ITGB6: variants seen among roughly 807,000 people sequenced by gnomAD.
The protein encoded by ITGB6 is integrin beta-6.
A neutral mutation model predicts 84.5 loss-of-function variants in ITGB6; 80 were observed. The observed-to-expected ratio is 0.95, with a 90% CI of 0.79 to 1.14. The LOEUF (loss-of-function observed/expected upper bound fraction) is 1.14. ITGB6 is among the 50% of genes most tolerant of loss of function. ITGB6 has a pLI of 0.00. For synonymous variants in ITGB6, 383 were observed against 354.9 expected, an observed-to-expected ratio of 1.08 and a Z score of -0.89; for missense variants, 1,006 against 968.0, an observed-to-expected ratio of 1.04 and a Z score of -0.52.
intron 12 of ITGB6, among the ~76,000 whole-genome samples, chr2:160,117,241 C>T (rs1321294108): frequency 1.3e-5 from 2 of 152,224 alleles, no homozygotes; most frequent in East Asian, 3.9e-4. Context: ...ACACCTATTC[C>T]AAAAGTAACC....
intron 7 of ITGB6, among the ~76,000 whole-genome samples, chr2:160,161,341 ACGATTAAGG>A (rs1201788442): frequency 6.6e-6 from 1 of 152,210 alleles, no homozygotes; most frequent in African/African-American, 2.4e-5. Flanking sequence ...ACTTAATTGT[ACGATTAAGG>A]CATGACGTCG....
intron 8 of ITGB6, among the ~76,000 whole-genome samples, chr2:160,141,208 T>C (rs1452089329): frequency 6.6e-6 from 1 of 152,102 alleles, no homozygotes; most frequent in African/African-American, 2.4e-5. Flanking sequence ...CCTATCCTAA[T>C]TTAGGGCTTC....
At chr2:160,168,253 A>T (rs1240644285) in intron 7 of ITGB6, among the ~76,000 whole-genome samples, 1 of 152,184 alleles carries the variant, frequency 6.6e-6, no homozygotes, top group African/African-American at 2.4e-5. Flanking sequence ...ATGCAAGTTC[A>T]TGGGGCTGTA....
At chr2:160,119,341 G>A (rs1180640536) in intron 12 of ITGB6, among the ~76,000 whole-genome samples, 1 of 152,128 alleles carries the variant, frequency 6.6e-6, no homozygotes, top group African/African-American at 2.4e-5. Flanking sequence ...GGATAGAACA[G>A]AGCCCTCAGA....
intron 10 of ITGB6, among the ~76,000 whole-genome samples, chr2:160,128,957 G>A (rs1683345433): frequency 6.6e-6 from 1 of 152,130 alleles, no homozygotes; most frequent in Non-Finnish European, 1.5e-5. Flanking sequence ...ATCCATTAGG[G>A]AAAGGTGGTA....
At chr2:160,134,318 A>C (rs1442653713) in intron 10 of ITGB6, among the ~76,000 whole-genome samples, 3 of 152,196 alleles carry the variant, frequency 2.0e-5, no homozygotes, top group Non-Finnish European at 2.9e-5. Flanking sequence ...AAATGGATAA[A>C]TTCCTCGACA....
At chr2:160,175,866 G>T (rs1685398073) in intron 4 of ITGB6, among the ~76,000 whole-genome samples, 1 of 152,204 alleles carries the variant, frequency 6.6e-6, no homozygotes, top group South Asian at 2.1e-4. Context: ...TGGGAGCAAT[G>T]ATTCAATATT....
chr2:160,125,041 C>G (rs1028756487), intron 11 of ITGB6, among the ~76,000 whole-genome samples: 1 of 152,094 alleles, frequency 6.6e-6, no homozygotes, highest in African/African-American at 2.4e-5. Flanking sequence ...TAGCCTTATC[C>G]CCTGCTGTAG....
intron 7 of ITGB6, among the ~76,000 whole-genome samples, chr2:160,149,835 T>C (rs1048486733): frequency 9.2e-5 from 14 of 152,028 alleles, no homozygotes; most frequent in Admixed American, 3.9e-4. Context: ...GCAGGTTCAA[T>C]CAAGTGGAAG....
In ITGB6 at chr2:160,195,470, A is replaced by C; in HGVS notation, c.492T>G (p.Ser164=). Residue 164 remains serine, a synonymous_variant, in exon 4 of 15, where the codon TCT becomes TCG. Coordinates refer to ENST00000283249, the MANE Select transcript of ITGB6 (RefSeq NM_000888.5). ...ELGSRLSKEM[S]KLTSNFRLGF... is the part of the protein sequence containing the mutation. ...CCAGTCTAAAGTTGCTGGTTAATTT[A>C]GACATCTCTTTGGAAAGCCGGGAGC... 1 of 1,614,192 alleles carries C rather than the reference A, an allele frequency of 6.2e-7. No homozygotes were observed. The highest frequency in any genetic ancestry group is 1.1e-5 in the South Asian group (1 of 91,086).
chr2:160,126,811 C>T (rs1683263652), intron 10 of ITGB6, among the ~76,000 whole-genome samples: 1 of 152,164 alleles, frequency 6.6e-6, no homozygotes, highest in Non-Finnish European at 1.5e-5. Flanking sequence ...TAGATCTGGT[C>T]TCCTAACTGA....
intron 4 of ITGB6, among the ~76,000 whole-genome samples, chr2:160,174,366 G>T (rs140023786): frequency 4.3e-4 from 65 of 152,250 alleles, no homozygotes. Flanking sequence ...TGTGTGTCTT[G>T]CACTGGCTCA....
chr2:160,165,673 C>T (rs535936731), intron 7 of ITGB6, among the ~76,000 whole-genome samples: 12 of 152,298 alleles, frequency 7.9e-5, no homozygotes, highest in African/African-American at 2.9e-4. Flanking sequence ...ATAGCATATG[C>T]GGCTGCTGTT....
chr2:160,199,013 A>AT (rs1686449346), intron 2 of ITGB6, among the ~76,000 whole-genome samples, 166 bp downstream of exon 2: 1 of 152,238 alleles, frequency 6.6e-6, no homozygotes, highest in Admixed American at 6.5e-5. Flanking sequence ...AAGTAATCAC[A>AT]TGAATGCCAT....
At chr2:160,137,202 G>A (rs917835580) in intron 10 of ITGB6, among the ~76,000 whole-genome samples, 7 of 152,224 alleles carry the variant, frequency 4.6e-5, no homozygotes, top group Non-Finnish European at 7.4e-5. Context: ...TTTCATCTAC[G>A]CTTAGGGAAA....
At chr2:160,146,617 TG>T (rs917799633) in intron 7 of ITGB6, among the ~76,000 whole-genome samples, 50 of 152,354 alleles carry the variant, frequency 3.3e-4, no homozygotes, top group African/African-American at 1.2e-3. Context: ...AAGTATTTTT[TG>T]TCATTACTTT....
intron 10 of ITGB6, among the ~76,000 whole-genome samples, chr2:160,134,730 G>A (rs1683632003): frequency 6.6e-6 from 1 of 152,148 alleles, no homozygotes; most frequent in Non-Finnish European, 1.5e-5. Context: ...CTTCATCCCT[G>A]GGATGCAAGG....
At chr2:160,122,471 G>A (rs1219644939) in intron 12 of ITGB6, among the ~76,000 whole-genome samples, 4 of 152,084 alleles carry the variant, frequency 2.6e-5, no homozygotes, top group South Asian at 2.1e-4. Context: ...ATTTTTACGC[G>A]TTTCTCAGAA....
chr2:160,144,143 C>T (rs533942994), intron 7 of ITGB6, among the ~76,000 whole-genome samples: 21 of 152,222 alleles, frequency 1.4e-4, no homozygotes, highest in African/African-American at 4.3e-4. Flanking sequence ...GCTGAAGCAA[C>T]ACTCTCACCT....
Sources: allele counts gnomAD v4.1 joint callset (sites outside exome capture counted in the v4.1 genomes callset), GRCh38; gene constraint gnomAD v4.1.1; transcripts MANE v1.5; gene names NCBI Gene and HGNC (gene_info 2026-07-23, HGNC 2026-07-21).